The following DLG1 variants were observed in gnomAD, a reference collection of about 807,000 sequenced individuals.
DLG1 encodes discs large MAGUK scaffold protein 1, also known as disks large homolog 1.
In DLG1, 42 loss-of-function variants were observed where a neutral mutation model predicts 123.4. The observed-to-expected ratio is 0.34, with a 90% CI of 0.27 to 0.44. The LOEUF (loss-of-function observed/expected upper bound fraction) is 0.44. Among genes scored for constraint, DLG1 ranks in the 20% least tolerant of loss-of-function variants. The pLI, the probability that DLG1 is intolerant of heterozygous loss-of-function variation, is 1.00. For synonymous variants in DLG1, 317 were observed against 356.2 expected (o/e 0.89, Z 1.24); for missense variants, 942 against 1,082.6 (o/e 0.87, Z 1.82).
intron 12 of DLG1, among the ~76,000 whole-genome samples, chr3:197,116,330 A>C (rs1351029917): frequency 1.3e-5 from 2 of 152,160 alleles, no homozygotes; most frequent in Non-Finnish European, 1.5e-5. Flanking sequence ...CAAAACAGAA[A>C]AAAAACGTGG....
chr3:197,113,022 G>C (rs764968491), intron 13 of DLG1, among the ~76,000 whole-genome samples: 3 of 152,130 alleles, frequency 2.0e-5, no homozygotes, highest in Non-Finnish European at 4.4e-5. Context: ...TTATGGTTCT[G>C]AGTTTTATAT....
intron 23 of DLG1, among the ~76,000 whole-genome samples, chr3:197,057,207 G>A (rs1310720053): frequency 6.6e-6 from 1 of 152,056 alleles, no homozygotes; most frequent in Non-Finnish European, 1.5e-5. Context: ...GGCCTCCTAA[G>A]TAGCTGGGAT....
chr3:197,046,395 T>A (rs1049760954), intron 24 of DLG1, among the ~76,000 whole-genome samples: 39 of 152,222 alleles, frequency 2.6e-4, no homozygotes, highest in Non-Finnish European at 2.5e-4. Flanking sequence ...GCAGACACCT[T>A]AACCATGTGA....
intron 16 of DLG1, 74 bp downstream of exon 16, chr3:197,085,506 C>A (rs1473418058): frequency 2.0e-6 from 3 of 1,525,060 alleles, no homozygotes; most frequent in East Asian, 4.5e-5. Flanking sequence ...CATGTTGTCA[C>A]AAATTAAAAA....
rs974616857 is a variant in DLG1, at chr3:197,126,180, A to G, written c.1165+4347T>C. Among the ~76,000 whole-genome samples, 6 of 152,180 alleles carry G rather than the reference A, an allele frequency of 3.9e-5. 1 individual carries two copies. The highest frequency in any genetic ancestry group is 7.3e-5 in the Non-Finnish European group (5 of 68,036). On this transcript the variant is annotated intron_variant, in intron 11 of 24. Transcript: ENST00000667157. The stretch of plus-strand genomic sequence containing the variant: ...ATTAGTTCAATAACAGATGGGGGAA[A>G]AAGTAACATAATCAGCTGGGCTCGG...
intron 5 of DLG1, among the ~76,000 whole-genome samples, chr3:197,181,355 TAAG>T (rs1404291802): frequency 8.5e-5 from 13 of 152,302 alleles, no homozygotes. Flanking sequence ...ATCAGTGAAA[TAAG>T]AGACCTCTGT....
At chr3:197,183,681 T>G in intron 5 of DLG1, 1 of 1,550,574 alleles carries the variant, frequency 6.4e-7, no homozygotes, top group South Asian at 1.2e-5. Context: ...AGCTTGCAGT[T>G]CATCTGACGA....
intron 15 of DLG1, among the ~76,000 whole-genome samples, chr3:197,088,052 A>G (rs977712681): frequency 3.3e-5 from 5 of 152,182 alleles, no homozygotes; most frequent in African/African-American, 9.7e-5. Flanking sequence ...ATTCTTCTCT[A>G]AGGATATTTA....
At chr3:197,060,514 T>A (rs1302526131) in intron 22 of DLG1, among the ~76,000 whole-genome samples, 1 of 152,218 alleles carries the variant, frequency 6.6e-6, no homozygotes, top group Non-Finnish European at 1.5e-5. Flanking sequence ...TATCATTTCA[T>A]AAAAGATAAA....
In DLG1 at chr3:197,211,598, C is replaced by CA. The variant is rs981163863; in HGVS notation, c.319-17010dup. 5.1e-4 allele frequency among the ~76,000 whole-genome samples: 75 copies of CA among 145,832 alleles called. 12 individuals are homozygous for CA. Among genetic ancestry groups the CA allele is most frequent in the Admixed American group, 8.2e-4 (12 of 14,556 alleles). ...GTCAGAGTGGTTATTATTAAAAAGT[C>CA]AAAAAAACAGATGCTGGTGAGGTTA... On this transcript the variant is annotated intron_variant, in intron 4 of 24. Transcript: ENST00000667157.
At chr3:197,084,782 A>C (rs1365349698) in intron 16 of DLG1, among the ~76,000 whole-genome samples, 2 of 151,258 alleles carry the variant, frequency 1.3e-5, no homozygotes, top group Non-Finnish European at 2.9e-5. Flanking sequence ...ATATAGATAG[A>C]TATAGATATA....
chr3:197,166,235 G>A lies in DLG1; in HGVS notation c.484-16439C>T, dbSNP rs376483303. Among the ~76,000 whole-genome samples the A allele has an allele frequency of 1.9e-4, 29 of 152,268 alleles. No individual in the cohort carries two copies. In the East Asian group the frequency reaches 3.5e-3, roughly 18 times the overall value. ...GGAGCCTGAGCAGCGTGAGAAGGGC[G>A]TCCAACTAGGGCAGCAATGATGACA... On this transcript the variant is annotated intron_variant, in intron 5 of 24. Transcript: ENST00000667157.
Position 197,119,461 on chromosome 3 carries a change from G to T in DLG1, c.1235C>A (p.Ala412Asp). 1 of 1,611,084 alleles carries T rather than the reference G, an allele frequency of 6.2e-7. No individual in the cohort carries two copies. The highest frequency in any genetic ancestry group is 1.1e-5 in the South Asian group (1 of 90,986). Residue 412 changes from alanine (A) to aspartate (D), a missense_variant, in exon 12 of 25, where the codon GCC becomes GAC. Ala to Asp is a moderately radical substitution (Grantham distance 126). Coordinates refer to ENST00000667157, the MANE Select transcript of DLG1 (RefSeq NM_001366207.1). ...SFLGQTPASP[A>D]RYSPVSKAVL... is the part of the protein sequence containing the mutation. Reference sequence around the variant, plus strand: ...TGCTTTAGAAACTGGGGAGTATCTGGCTGGAGATGCTGGTGTCTGGCCCAA... The same window carrying T: ...TGCTTTAGAAACTGGGGAGTATCTGTCTGGAGATGCTGGTGTCTGGCCCAA...
At chr3:197,195,933 T>TA (rs1190350613) in intron 4 of DLG1, among the ~76,000 whole-genome samples, 5 of 151,706 alleles carry the variant, frequency 3.3e-5, no homozygotes, top group African/African-American at 1.2e-4. Flanking sequence ...TCAGCTTCTT[T>TA]AGTGAGAGAA....
intron 14 of DLG1, among the ~76,000 whole-genome samples, chr3:197,093,959 G>A (rs900109971): frequency 6.6e-6 from 1 of 152,170 alleles, no homozygotes; most frequent in Non-Finnish European, 1.5e-5. Context: ...TGACTTTCAA[G>A]GTCAGATTAG....
At chr3:197,066,558 T>A (rs1024968306) in intron 20 of DLG1, 146 bp downstream of exon 20, 1 of 496,844 alleles carries the variant, frequency 2.0e-6, no homozygotes, top group African/African-American at 2.0e-5. Flanking sequence ...CTATGTTTCA[T>A]AAAACACATG....
intron 3 of DLG1, among the ~76,000 whole-genome samples, chr3:197,286,367 A>G (rs1771852684): frequency 6.6e-6 from 1 of 152,218 alleles, no homozygotes; most frequent in Non-Finnish European, 1.5e-5. Flanking sequence ...GAGCTTCTGC[A>G]GTGAAACTGT....
At chr3:197,235,760 T>C (rs996180859) in intron 4 of DLG1, among the ~76,000 whole-genome samples, 1 of 152,078 alleles carries the variant, frequency 6.6e-6, no homozygotes, top group African/African-American at 2.4e-5. Flanking sequence ...TAACCAGATA[T>C]GCAAAGAAGC....
At chr3:197,171,738 C>A (rs4916461) in intron 5 of DLG1, among the ~76,000 whole-genome samples, 60,043 of 151,876 alleles carry the variant, frequency 0.4, 12,447 homozygotes, top group East Asian at 0.74. Context: ...GAGCCAAACA[C>A]GAAACATTTC....
Sources: gnomAD v4.1 joint callset for allele counts (sites outside exome capture counted in the v4.1 genomes callset) on GRCh38, gnomAD v4.1.1 for gene constraint, MANE v1.5 for transcripts, NCBI Gene and HGNC (gene_info 2026-07-23, HGNC 2026-07-21) for gene names.